C6orf132: variants seen among roughly 807,000 people sequenced by gnomAD.
C6orf132 encodes the protein chromosome 6 open reading frame 132.
A neutral mutation model predicts 65.3 loss-of-function variants in C6orf132; 43 were observed. The ratio of observed to expected loss-of-function variants is 0.66; its 90% CI spans 0.52 to 0.85. The LOEUF (loss-of-function observed/expected upper bound fraction) is 0.85, where lower values mean the gene tolerates loss of function less well. Among genes scored for constraint, C6orf132 ranks in the 40% least tolerant of loss-of-function variants. The pLI, the probability that C6orf132 is intolerant of heterozygous loss-of-function variation, is 0.00. For missense variants in C6orf132, 1,488 were observed against 1,548.8 expected (o/e 0.96, Z 0.66); for synonymous variants, 631 against 654.1 (o/e 0.96, Z 0.54).
intron 2 of C6orf132, among the ~76,000 whole-genome samples, chr6:42,127,694 CGACA>C (rs1336320747): frequency 1.3e-5 from 2 of 152,128 alleles, no homozygotes; most frequent in Non-Finnish European, 2.9e-5. Context: ...GACCCAGCTC[CGACA>C]GACAGGAGTG....
At chr6:42,123,806 C>T (rs1414188164) in intron 2 of C6orf132, among the ~76,000 whole-genome samples, 2 of 152,156 alleles carry the variant, frequency 1.3e-5, no homozygotes, top group Admixed American at 6.5e-5. Context: ...CCCCAGGCCG[C>T]AGTATTCTCA....
At chr6:42,128,573 G>T in intron 2 of C6orf132, 99 bp downstream of exon 2, 1 of 857,004 alleles carries the variant, frequency 1.2e-6, no homozygotes, top group Non-Finnish European at 1.9e-6. Flanking sequence ...GGAAGGAAGG[G>T]GTGGACAGAG....
In C6orf132 at chr6:42,142,559, C is replaced by A. The variant is rs1582289930; in HGVS notation, c.-115G>T. The A allele has an allele frequency of 2.9e-6, 3 of 1,049,636 alleles. No homozygotes were observed. In the East Asian group the frequency reaches 9.5e-5, roughly 33 times the overall value. 65.0% of individuals were successfully genotyped at this position (1,049,636 alleles called of 1,614,324 possible). A position where few individuals can be genotyped will look rare whatever the true frequency, so the allele number is the denominator to read the frequency against. Reference sequence around the variant, plus strand: ...GGACTCTACCAGGCCATGTCCCCCGCCGTCCTCCCCGCCCGCGCACCGGGC... The same window carrying A: ...GGACTCTACCAGGCCATGTCCCCCGACGTCCTCCCCGCCCGCGCACCGGGC... On this transcript the variant is annotated 5_prime_UTR_variant, in exon 1 of 5. Coordinates refer to ENST00000341865, the MANE Select transcript of C6orf132 (RefSeq NM_001164446.3).
intron 2 of C6orf132, among the ~76,000 whole-genome samples, chr6:42,115,373 G>T (rs922789646): frequency 6.6e-6 from 1 of 151,550 alleles, no homozygotes; most frequent in African/African-American, 2.4e-5. Flanking sequence ...AAGGCCGGGC[G>T]CAGTGGCTCA....
intron 2 of C6orf132, among the ~76,000 whole-genome samples, chr6:42,113,372 G>T (rs975913895): frequency 6.6e-6 from 1 of 152,206 alleles, no homozygotes; most frequent in Non-Finnish European, 1.5e-5. Flanking sequence ...CAGTGATGTT[G>T]AGCCATTGTC....
chr6:42,107,506 C>T lies in C6orf132; in HGVS notation c.406G>A (p.Asp136Asn), dbSNP rs1181829017. Residue 136 changes from aspartate to asparagine, a missense_variant, in exon 4 of 5, where the codon GAT becomes AAT. Physicochemically the swap from Asp to Asn is conservative, Grantham distance 23. Transcript: ENST00000341865. ...GGGGGAGGTGGGGGGATGAGTAGAT[C>T]CTGGCCATATTGTCCAGGCCTCAGG... ...GDLRPGQYGQ[D>N]LLIPPPPPGP... 3.2e-6 allele frequency: 5 copies of T among 1,549,748 alleles called. No individual in the cohort carries two copies. In the Admixed American group the frequency reaches 9.8e-5, roughly 30 times the overall value.
chr6:42,104,889 C>T lies in C6orf132; in HGVS notation c.3023G>A (p.Arg1008His), dbSNP rs767249931. 7.4e-5 allele frequency: 107 copies of T among 1,448,678 alleles called. No individual in the cohort carries two copies. The highest frequency in any genetic ancestry group is 9.5e-5 in the Non-Finnish European group (105 of 1,105,070). The allele number at this position is 1,448,678 out of a possible 1,614,324, so 89.7% of individuals were successfully genotyped here. The change falls in exon 4 of 5, where the codon CGC (arginine) becomes CAC (histidine). Residue 1008 changes from arginine to histidine, a missense_variant. Physicochemically the swap from Arg to His is conservative, Grantham distance 29. Coordinates refer to ENST00000341865, the MANE Select transcript of C6orf132 (RefSeq NM_001164446.3). The surrounding 1 kb of genome is among the most constrained non-coding windows in gnomAD (Gnocchi z 4.1). ...GTTGTTCCGGGGAGGGGAGCTCTGG[C>T]GGCCCAGATACTGGAGGGCCGGGGC... ...PPAPALQYLG[R>H]QSSPPRNNYS... is the part of the protein sequence containing the mutation.
chr6:42,126,788 A>C, intron 2 of C6orf132: 1 of 382,058 alleles, frequency 2.6e-6, no homozygotes, highest in Non-Finnish European at 4.7e-6. Context: ...GGTTGCAGGG[A>C]GCCGAGATCA....
chr6:42,105,028 T>G lies in C6orf132; in HGVS notation c.2884A>C (p.Lys962Gln). The G allele has an allele frequency of 6.5e-7, 1 of 1,534,862 alleles. No individual in the cohort carries two copies. Among genetic ancestry groups the G allele is most frequent in the Non-Finnish European group, 8.7e-7 (1 of 1,146,168 alleles). Residue 962 changes from lysine to glutamine, a missense_variant, in exon 4 of 5, where the codon AAG (lysine) becomes CAG (glutamine). By Grantham distance (53) the Lys-to-Gln change is moderately conservative. Coordinates refer to ENST00000341865, the MANE Select transcript of C6orf132 (RefSeq NM_001164446.3). ...GGAGAAGGTGGGGAGGAGAAGGACT[T>G]GGGCAGCGGGTGGCCCTGGGGGAGG... is the stretch of plus-strand genomic sequence containing the variant. ...SNLPQGHPLP[K>Q]SFSSPPSPSN... is the part of the protein sequence containing the mutation.
In C6orf132 at chr6:42,104,702, C is replaced by G; in HGVS notation, c.3210G>C (p.Glu1070Asp). 1.3e-6 allele frequency: 2 copies of G among 1,522,144 alleles called. No individual in the cohort carries two copies. Among genetic ancestry groups the G allele is most frequent in the Non-Finnish European group, 1.8e-6 (2 of 1,141,126 alleles). 94.3% of individuals were successfully genotyped at this position (1,522,144 alleles called of 1,614,324 possible). Residue 1070 changes from glutamate (E) to aspartate (D), a missense_variant, in exon 4 of 5, where the codon GAG becomes GAC. Coordinates refer to ENST00000341865, the MANE Select transcript of C6orf132 (RefSeq NM_001164446.3). This position sits in a 1 kb window ranked among gnomAD's most constrained non-coding sequence, Gnocchi z 4.1. ...GGGGTAGCCCTGGGCCTCGGTGCGG[C>G]TCCCCGACGTACAGGCGCTTCTTTA... ...SLIKKRLYVG[E>D]PHRGPGLPHG...
chr6:42,109,764 A>G (rs1766467906), intron 3 of C6orf132, among the ~76,000 whole-genome samples: 1 of 152,148 alleles, frequency 6.6e-6, no homozygotes. Flanking sequence ...CACCTCTGAG[A>G]GGTGTGACAG....
chr6:42,105,940 A>G lies in C6orf132; in HGVS notation c.1972T>C (p.Trp658Arg), dbSNP rs1448805884. 3 of 1,536,156 alleles carry G rather than the reference A, an allele frequency of 2.0e-6. No homozygotes were observed. The highest frequency in any genetic ancestry group is 2.6e-6 in the Non-Finnish European group (3 of 1,146,600). ...GTGGCCTTGGGTGGTGTGGCTGGCC[A>G]AAGTGTAGCCTTGGGTGGTATGGCT... The part of the protein sequence containing the change: ...EPAIPPKATL[W>R]PATPPKATLG... The change falls in exon 4 of 5, where the codon TGG becomes CGG. Residue 658 changes from tryptophan to arginine, a missense_variant. Trp to Arg is a moderately radical substitution (Grantham distance 101). Coordinates refer to ENST00000341865, the MANE Select transcript of C6orf132 (RefSeq NM_001164446.3).
At chr6:42,119,135 C>A (rs946906468) in intron 2 of C6orf132, among the ~76,000 whole-genome samples, 3 of 144,546 alleles carry the variant, frequency 2.1e-5, no homozygotes, top group Non-Finnish European at 4.5e-5. Context: ...CCCAACTACT[C>A]GGGAGGCTGA....
At chr6:42,126,035 G>C (rs1279968722) in intron 2 of C6orf132, among the ~76,000 whole-genome samples, 3 of 152,156 alleles carry the variant, frequency 2.0e-5, no homozygotes, top group Non-Finnish European at 4.4e-5. Flanking sequence ...CCACTCCAGG[G>C]GCAACATCCG....
rs1378719987 is a variant in C6orf132 at position 42,101,641 on chromosome 6, C to T, written c.*2120G>A. On this transcript the variant is annotated 3_prime_UTR_variant, in exon 5 of 5. Coordinates refer to ENST00000341865, the MANE Select transcript of C6orf132 (RefSeq NM_001164446.3). ...AATATACAGCTGAGAGTCTACGCCC[C>T]ACCCCTCGAGCCTTAACATAGCAGA... The T allele has an allele frequency of 6.6e-6, 1 of 152,260 alleles. No individual in the cohort carries two copies. The highest frequency in any genetic ancestry group is 6.5e-5 in the Admixed American group (1 of 15,280). The allele number at this position is 152,260 out of a possible 1,614,324, so 9.4% of individuals were successfully genotyped here.
chr6:42,110,286 G>C lies in C6orf132; in HGVS notation c.258C>G (p.Ala86=). ...GCACAGCCAGCCCATGGTTTTCCTG[G>C]GCATTCTGAAAGAGACCAGAAAGAA... The part of the protein sequence containing the change: ...RPLLTFLPLN[A]QENHGLAVPT... Residue 86 remains alanine (A), a synonymous_variant, in exon 3 of 5, where the codon GCC becomes GCG. Transcript: ENST00000341865. 6.5e-7 allele frequency: 1 copy of C among 1,547,870 alleles called. No homozygotes were observed. The highest frequency in any genetic ancestry group is 2.5e-5 in the East Asian group (1 of 40,596).
chr6:42,117,086 C>A (rs1328801331), intron 2 of C6orf132, among the ~76,000 whole-genome samples: 1 of 152,142 alleles, frequency 6.6e-6, no homozygotes, highest in African/African-American at 2.4e-5. Flanking sequence ...ATCCTTTAAG[C>A]CCCAGATTAA....
chr6:42,122,895 G>C (rs1412383931), intron 2 of C6orf132, among the ~76,000 whole-genome samples: 1 of 152,188 alleles, frequency 6.6e-6, no homozygotes, highest in African/African-American at 2.4e-5. Flanking sequence ...GACCCAGGCA[G>C]CTCTCACCGC....
intron 1 of C6orf132, among the ~76,000 whole-genome samples, chr6:42,135,179 C>T (rs1766920170): frequency 6.6e-6 from 1 of 152,170 alleles, no homozygotes; most frequent in Non-Finnish European, 1.5e-5. Context: ...GGCAGGCGGC[C>T]CTTTGGGCCC....
Sources: allele counts gnomAD v4.1 joint callset (sites outside exome capture counted in the v4.1 genomes callset), GRCh38; gene constraint gnomAD v4.1.1; non-coding constraint Gnocchi (gnomAD v3.1); transcripts MANE v1.5; gene names NCBI Gene and HGNC (gene_info 2026-07-23, HGNC 2026-07-21).